Variants in RALGPS2 observed in about 807,000 individuals in gnomAD.
RALGPS2 encodes the protein Ral GEF with PH domain and SH3 binding motif 2.
Under a neutral mutation model 86.8 loss-of-function variants are expected in RALGPS2, and 43 were observed. The observed-to-expected ratio is 0.50, with a 90% CI of 0.39 to 0.64. RALGPS2 has a LOEUF of 0.64. RALGPS2 is among the 30% of genes least tolerant of loss of function. The probability of loss-of-function intolerance (pLI) is 0.00; values close to 1 mark genes in which losing one functional copy is unlikely to be tolerated. For missense variants in RALGPS2, 536 were observed against 694.6 expected (o/e 0.77, Z 2.57); for synonymous variants, 243 against 231.3 (o/e 1.05, Z -0.46).
chr1:178,760,342 A>G (rs541526762), intron 1 of RALGPS2, among the ~76,000 whole-genome samples: 31 of 152,304 alleles, frequency 2.0e-4, no homozygotes, highest in African/African-American at 7.2e-4. Flanking sequence ...GTTTAAAGGT[A>G]CTTGTTTTAT....
chr1:178,753,507 A>G (rs892405947), intron 1 of RALGPS2: 4 of 152,300 alleles, frequency 2.6e-5, no homozygotes, highest in Middle Eastern at 3.4e-3. Context: ...CTTAGGTCCA[A>G]AAAGCTGTTC....
chr1:178,760,761 T>C (rs935834500), intron 1 of RALGPS2, among the ~76,000 whole-genome samples: 10 of 150,994 alleles, frequency 6.6e-5, no homozygotes, highest in African/African-American at 2.2e-4. Flanking sequence ...GGTGATGATA[T>C]GCCTTGGTGA....
At chr1:178,826,915 G>C (rs917796827) in intron 7 of RALGPS2, among the ~76,000 whole-genome samples, 1 of 152,114 alleles carries the variant, frequency 6.6e-6, no homozygotes, top group African/African-American at 2.4e-5. Context: ...AATAGAGGGA[G>C]CAATAGCCCA....
intron 8 of RALGPS2, 144 bp from the exon 9 acceptor site, chr1:178,877,354 C>T: frequency 7.9e-7 from 1 of 1,269,700 alleles, no homozygotes; most frequent in Non-Finnish European, 1.0e-6. Context: ...ATATGTTACC[C>T]AGGCTTCAGT....
intron 19 of RALGPS2, among the ~76,000 whole-genome samples, chr1:178,910,302 A>G (rs1660572524): frequency 6.6e-6 from 1 of 152,082 alleles, no homozygotes; most frequent in Non-Finnish European, 1.5e-5. Context: ...TATTATGTTG[A>G]ATAGGAGTGG....
intron 7 of RALGPS2, among the ~76,000 whole-genome samples, chr1:178,831,229 A>G (rs142458005): frequency 4.3e-4 from 66 of 152,346 alleles, no homozygotes; most frequent in African/African-American, 1.5e-3. Flanking sequence ...GTTTAAATCC[A>G]TTTAACAAAG....
chr1:178,840,141 C>A (rs1268480178), intron 8 of RALGPS2, among the ~76,000 whole-genome samples: 4 of 152,042 alleles, frequency 2.6e-5, no homozygotes, highest in Admixed American at 1.3e-4. Context: ...CAGCTCTGCA[C>A]CAAGCAGACC....
At chr1:178,848,737 ATTC>A (rs1306910249) in intron 8 of RALGPS2, among the ~76,000 whole-genome samples, 1 of 152,192 alleles carries the variant, frequency 6.6e-6, no homozygotes, top group East Asian at 1.9e-4. Context: ...ACTGCAAGCA[ATTC>A]TTCTGCCTCA....
chr1:178,866,939 A>T (rs1248124183), intron 8 of RALGPS2, among the ~76,000 whole-genome samples: 1 of 152,176 alleles, frequency 6.6e-6, no homozygotes, highest in East Asian at 1.9e-4. Flanking sequence ...TAGCAGAAGT[A>T]GAATGGGTAA....
At position 178,886,086 on chromosome 1, in the gene RALGPS2, T is replaced by C; in HGVS notation, c.1158T>C (p.Ala386=). ...MEPHAPSRGQ[A]ESSTLSSGIS... ...CCCATGCGCCATCTCGAGGCCAAGC[T>C]GAAAGTTCTACTCTTTCTAGTGGAA... Residue 386 remains alanine (A), a synonymous_variant, in exon 13 of 20, where the codon GCT becomes GCC. Transcript: ENST00000367635. 1.2e-6 allele frequency: 2 copies of C among 1,613,518 alleles called. No homozygotes were observed. The highest frequency in any genetic ancestry group is 1.7e-6 in the Non-Finnish European group (2 of 1,179,832).
In RALGPS2 at chr1:178,821,592, A is replaced by AT. The variant is rs762498588; in HGVS notation, c.388-12dup. The AT allele has an allele frequency of 2.5e-5, 40 of 1,582,038 alleles. No individual in the cohort carries two copies. The highest frequency in any genetic ancestry group is 5.3e-5 in the Admixed American group (3 of 57,130). On this transcript the variant is annotated intron_variant, in intron 6 of 19. Transcript: ENST00000367635. Reference sequence around the variant, plus strand: ...TTGTTCTTTTTCATCCCTCTCCCCCATTTTTTTTCAAATCTTCAGAAACTG... The same window carrying AT: ...TTGTTCTTTTTCATCCCTCTCCCCCATTTTTTTTTCAAATCTTCAGAAACTG...
intron 8 of RALGPS2, among the ~76,000 whole-genome samples, chr1:178,834,381 G>C (rs950174309): frequency 7.2e-5 from 11 of 152,130 alleles, no homozygotes; most frequent in Admixed American, 5.9e-4. Flanking sequence ...AGCTATTTCT[G>C]AGAGTGATTA....
chr1:178,840,367 A>C (rs1468226330), intron 8 of RALGPS2, among the ~76,000 whole-genome samples: 2 of 152,212 alleles, frequency 1.3e-5, no homozygotes, highest in Non-Finnish European at 2.9e-5. Context: ...TCGCTCAACT[A>C]CATGGAAACT....
chr1:178,911,534 T>G (rs542686618), intron 19 of RALGPS2, among the ~76,000 whole-genome samples: 4 of 152,210 alleles, frequency 2.6e-5, no homozygotes, highest in Admixed American at 2.6e-4. Context: ...AGAAAACTTC[T>G]TGGTATTGAT....
At chr1:178,821,509 TG>T in intron 6 of RALGPS2, 102 bp from the exon 7 acceptor site, 2 of 822,072 alleles carry the variant, frequency 2.4e-6, no homozygotes, top group South Asian at 3.2e-5. Context: ...TAATATATGC[TG>T]GAACACTACC....
At chr1:178,739,384 T>A (rs1313429793) in intron 1 of RALGPS2, among the ~76,000 whole-genome samples, 1 of 152,192 alleles carries the variant, frequency 6.6e-6, no homozygotes, top group Non-Finnish European at 1.5e-5. Flanking sequence ...TAAAACAATA[T>A]GTTGTTTTGT....
rs748271216 is a variant in RALGPS2, at chr1:178,851,191, C to T, written c.607+17641C>T. The T allele has an allele frequency of 9.9e-6, 16 of 1,613,846 alleles. No individual in the cohort carries two copies. Among genetic ancestry groups the T allele is most frequent in the African/African-American group, 2.7e-5 (2 of 74,886 alleles). ...AAGGAGTATGACCCGCCTCTGTATT[C>T]GGCCCAGAAAATTCCATCTTGGTGC... On this transcript the variant is annotated intron_variant, in intron 8 of 19. Coordinates refer to ENST00000367635, the MANE Select transcript of RALGPS2 (RefSeq NM_152663.5).
In RALGPS2 at chr1:178,759,483, A is replaced by G. The variant is rs186528740; in HGVS notation, c.-83-17199A>G. 1.2e-3 allele frequency among the ~76,000 whole-genome samples: 170 copies of G among 145,724 alleles called. No homozygotes were observed. In the East Asian group the frequency reaches 0.016, roughly 14 times the overall value. On this transcript the variant is annotated intron_variant, in intron 1 of 19. Coordinates refer to ENST00000367635, the MANE Select transcript of RALGPS2 (RefSeq NM_152663.5). ...ATGCTGTTTTGGTTACTGTAACTCTATAGTATAATTTGAAGTCAAGTAATA... is the reference window on the plus strand; with the variant it reads ...ATGCTGTTTTGGTTACTGTAACTCTGTAGTATAATTTGAAGTCAAGTAATA...
chr1:178,900,183 G>A (rs1660108453), intron 17 of RALGPS2, among the ~76,000 whole-genome samples: 3 of 151,716 alleles, frequency 2.0e-5, no homozygotes, highest in Admixed American at 1.3e-4. Flanking sequence ...AAAAGCTGGA[G>A]GAGAAAAAAA....
Sources: allele counts gnomAD v4.1 joint callset (sites outside exome capture counted in the v4.1 genomes callset), GRCh38; gene constraint gnomAD v4.1.1; transcripts MANE v1.5; gene names NCBI Gene and HGNC (gene_info 2026-07-23, HGNC 2026-07-21).